STXBP5L: variants seen among roughly 807,000 people sequenced by gnomAD.
The protein encoded by STXBP5L is syntaxin binding protein 5L.
In STXBP5L, 65 loss-of-function variants were observed where a neutral mutation model predicts 144.5. The observed-to-expected ratio is 0.45, with a 90% CI of 0.37 to 0.55. The LOEUF is 0.55. STXBP5L is among the 20% of genes least tolerant of loss of function. The pLI is 0.00. For synonymous variants in STXBP5L, 505 were observed against 469.6 expected (o/e 1.08, Z -0.97); for missense variants, 1,298 against 1,405.5 (o/e 0.92, Z 1.22).
At chr3:121,131,515 C>G (rs777259931) in intron 7 of STXBP5L, among the ~76,000 whole-genome samples, 2 of 152,078 alleles carry the variant, frequency 1.3e-5, no homozygotes, top group Admixed American at 6.6e-5. Context: ...CAAATATGGC[C>G]TGCCTGTTAT....
At chr3:121,215,257 G>A (rs755923660) in intron 10 of STXBP5L, among the ~76,000 whole-genome samples, 1 of 152,084 alleles carries the variant, frequency 6.6e-6, no homozygotes, top group East Asian at 1.9e-4. Context: ...GACACTAGCT[G>A]GTTATTTTGC....
At chr3:121,269,176 T>C (rs2050664140) in intron 18 of STXBP5L, among the ~76,000 whole-genome samples, 1 of 152,180 alleles carries the variant, frequency 6.6e-6, no homozygotes, top group South Asian at 2.1e-4. Context: ...TTATAAGAAA[T>C]ATGTGGAAAC....
At chr3:121,291,633 C>G (rs1222514487) in intron 19 of STXBP5L, among the ~76,000 whole-genome samples, 1 of 152,106 alleles carries the variant, frequency 6.6e-6, no homozygotes, top group Non-Finnish European at 1.5e-5. Context: ...AATCTGGAGG[C>G]ATCACGTTAC....
At chr3:121,103,940 G>A (rs557513856) in intron 5 of STXBP5L, among the ~76,000 whole-genome samples, 24 of 152,228 alleles carry the variant, frequency 1.6e-4, no homozygotes, top group Non-Finnish European at 2.9e-4. Flanking sequence ...GTAAGTGAAC[G>A]AAAATAATAA....
Position 120,996,357 on chromosome 3 carries a change from A to G in STXBP5L, c.287+41320A>G, listed in dbSNP as rs534008639. On this transcript the variant is annotated intron_variant, in intron 3 of 26. Coordinates refer to ENST00000471454, the MANE Select transcript of STXBP5L (RefSeq NM_001308330.2). ...TTAAAAATTTAAATTAATATAATGT[A>G]TATTTAAGGTATACAATGTCATATA... Among the ~76,000 whole-genome samples, 219 of 152,114 alleles carry G rather than the reference A, an allele frequency of 1.4e-3. 2 individuals carry two copies. Among genetic ancestry groups the G allele is most frequent in the East Asian group, 0.014 (70 of 5,184 alleles).
At chr3:121,062,067 C>T (rs769627393) in intron 5 of STXBP5L, among the ~76,000 whole-genome samples, 19 of 152,142 alleles carry the variant, frequency 1.2e-4, no homozygotes, top group Non-Finnish European at 2.5e-4. Context: ...AGTCGATGGT[C>T]TTTACAATTT....
intron 10 of STXBP5L, among the ~76,000 whole-genome samples, chr3:121,208,043 T>C (rs2048407564): frequency 6.6e-6 from 1 of 152,152 alleles, no homozygotes; most frequent in South Asian, 2.1e-4. Context: ...TGTATGTTTA[T>C]TGCAGCACTA....
chr3:121,093,899 G>A (rs965629450), intron 5 of STXBP5L, among the ~76,000 whole-genome samples: 3 of 151,994 alleles, frequency 2.0e-5, no homozygotes, highest in Non-Finnish European at 4.4e-5. Flanking sequence ...GCTTTCTCTT[G>A]TGGGCATTTA....
chr3:121,376,053 G>A (rs1043990695), intron 20 of STXBP5L, among the ~76,000 whole-genome samples: 2 of 152,146 alleles, frequency 1.3e-5, no homozygotes, highest in African/African-American at 4.8e-5. Flanking sequence ...TCTTGGACGT[G>A]AGTAGTTTTA....
chr3:121,339,314 A>G (rs1041313115), intron 20 of STXBP5L, among the ~76,000 whole-genome samples: 1 of 152,194 alleles, frequency 6.6e-6, no homozygotes, highest in Non-Finnish European at 1.5e-5. Context: ...ATTAAAAACA[A>G]AAACCATATG....
chr3:120,991,933 C>T (rs1455944106), intron 3 of STXBP5L, among the ~76,000 whole-genome samples: 1 of 152,052 alleles, frequency 6.6e-6, no homozygotes, highest in East Asian at 1.9e-4. Context: ...GCACGTTGTG[C>T]AGATGTACCC....
At position 121,094,330 on chromosome 3, in the gene STXBP5L, C is replaced by G. The variant is rs548855179; in HGVS notation, c.471-20595C>G. On this transcript the variant is annotated intron_variant, in intron 5 of 26. Transcript: ENST00000471454. ...GAGTCCAATTCCTGGGTATCCTTGT[C>G]GACTTTCTGTCTCGTTGATCTGTCT... is the stretch of plus-strand genomic sequence containing the variant. Among the ~76,000 whole-genome samples the G allele has an allele frequency of 9.2e-5, 14 of 151,918 alleles. 1 individual carries two copies. The highest frequency in any genetic ancestry group is 9.2e-4 in the Admixed American group (14 of 15,234).
chr3:121,146,164 C>A (rs768620207), intron 7 of STXBP5L, among the ~76,000 whole-genome samples: 1 of 152,000 alleles, frequency 6.6e-6, no homozygotes, highest in Non-Finnish European at 1.5e-5. Flanking sequence ...TCTAATCCTG[C>A]ATAATTACAT....
chr3:121,375,228 C>G (rs1576314231), intron 20 of STXBP5L, among the ~76,000 whole-genome samples: 1 of 152,096 alleles, frequency 6.6e-6, no homozygotes, highest in East Asian at 1.9e-4. Context: ...AGTCTTGGAA[C>G]AGATATAAAC....
At chr3:121,342,252 T>C (rs138328293) in intron 20 of STXBP5L, among the ~76,000 whole-genome samples, 1 of 152,252 alleles carries the variant, frequency 6.6e-6, no homozygotes, top group East Asian at 1.9e-4. Flanking sequence ...GGAGTTTTAA[T>C]TTAAAAACCT....
At position 121,044,511 on chromosome 3, in the gene STXBP5L, T is replaced by C. The variant is rs562335542; in HGVS notation, c.370-924T>C. On this transcript the variant is annotated intron_variant, in intron 4 of 26. Coordinates refer to ENST00000471454, the MANE Select transcript of STXBP5L (RefSeq NM_001308330.2). Reference sequence around the variant, plus strand: ...ACTTCTAACAAAGTACTTTGGAAAATATAAAAAGCCTTTTAGGTATCTCTG... The same window carrying C: ...ACTTCTAACAAAGTACTTTGGAAAACATAAAAAGCCTTTTAGGTATCTCTG... Among the ~76,000 whole-genome samples, 110 of 152,236 alleles carry C rather than the reference T, an allele frequency of 7.2e-4. 1 individual carries two copies. Among genetic ancestry groups the C allele is most frequent in the Middle Eastern group, 3.4e-3 (1 of 294 alleles).
At chr3:121,033,700 A>C (rs964370972) in intron 3 of STXBP5L, among the ~76,000 whole-genome samples, 3 of 151,928 alleles carry the variant, frequency 2.0e-5, no homozygotes, top group African/African-American at 7.2e-5. Context: ...TAATTTTAGC[A>C]TTAACTGCTA....
At chr3:121,366,720 G>A (rs1186728354) in intron 20 of STXBP5L, among the ~76,000 whole-genome samples, 2 of 152,034 alleles carry the variant, frequency 1.3e-5, no homozygotes, top group Admixed American at 1.3e-4. Context: ...TTGAGTAGAG[G>A]CTTTAATTCA....
chr3:121,247,382 A>T (rs2049888545), intron 14 of STXBP5L, among the ~76,000 whole-genome samples: 1 of 152,146 alleles, frequency 6.6e-6, no homozygotes, highest in Non-Finnish European at 1.5e-5. Flanking sequence ...AGATTCAGGG[A>T]TACATGTGTA....
Sources: allele counts gnomAD v4.1 joint callset (sites outside exome capture counted in the v4.1 genomes callset), GRCh38; gene constraint gnomAD v4.1.1; transcripts MANE v1.5; gene names NCBI Gene and HGNC (gene_info 2026-07-23, HGNC 2026-07-21).